The following PIR variants were observed in gnomAD, a reference collection of about 807,000 sequenced individuals.
PIR encodes pirin (iron-binding nuclear protein).
Under a neutral mutation model 24.2 loss-of-function variants are expected in PIR, and 22 were observed. The ratio of observed to expected loss-of-function variants is 0.91; its 90% CI spans 0.65 to 1.30. PIR has a LOEUF of 1.30. Ranked by LOEUF, PIR falls within the 50% of genes most tolerant of loss-of-function variation. PIR has a pLI of 0.00. For missense variants in PIR, 220 were observed against 220.3 expected (o/e 1.00, Z 0.01); for synonymous variants, 80 against 79.6 (o/e 1.00, Z -0.03).
At chrX:15,445,898 C>T (rs1232369996) in intron 5 of PIR, among the ~76,000 whole-genome samples, 2 of 88,817 alleles carry the variant, frequency 2.3e-5, no homozygotes, top group African/African-American at 4.5e-5. Context: ...GGCGCGATCT[C>T]GGCTCACTGC....
chrX:15,483,458 T>C lies in PIR; in HGVS notation c.97-3637A>G, dbSNP rs773936479. On this transcript the variant is annotated intron_variant, in intron 2 of 9. Coordinates refer to ENST00000380420, the MANE Select transcript of PIR (RefSeq NM_001018109.3). ...CCCATGATTCCATTTTCTCTCACTC[T>C]AACTCTTCAAATCACTTCAAACCAT... Among the ~76,000 whole-genome samples, 35 of 111,351 alleles carry C rather than the reference T, an allele frequency of 3.1e-4. No homozygotes were observed. In the East Asian group the frequency reaches 9.8e-3, roughly 31 times the overall value.
intron 6 of PIR, among the ~76,000 whole-genome samples, chrX:15,420,228 C>A (rs1402156162): frequency 9.0e-6 from 1 of 111,674 alleles, no homozygotes; most frequent in Non-Finnish European, 1.9e-5. Flanking sequence ...ACAACAACAA[C>A]AAAACATGAT....
At chrX:15,425,000 A>T (rs1925259649) in intron 6 of PIR, among the ~76,000 whole-genome samples, 1 of 109,773 alleles carries the variant, frequency 9.1e-6, no homozygotes, top group Admixed American at 9.7e-5. Context: ...CCCCACGTCT[A>T]CAGAAAAAAA....
intron 5 of PIR, among the ~76,000 whole-genome samples, chrX:15,448,938 G>A (rs1419835459): frequency 3.6e-5 from 4 of 112,245 alleles, no homozygotes; most frequent in African/African-American, 1.3e-4. Context: ...GAGCATTTTT[G>A]AGGACAGTGG....
intron 6 of PIR, among the ~76,000 whole-genome samples, chrX:15,415,034 C>T (rs1035820514): frequency 4.5e-5 from 5 of 111,296 alleles, no homozygotes; most frequent in Non-Finnish European, 9.4e-5. Flanking sequence ...TGTACAAAAT[C>T]TTGGATTTAT....
At chrX:15,474,177 T>C (rs1362433693) in intron 3 of PIR, among the ~76,000 whole-genome samples, 1 of 111,912 alleles carries the variant, frequency 8.9e-6, no homozygotes, top group Non-Finnish European at 1.9e-5. Flanking sequence ...TCAGAACAAA[T>C]TTATAGACAA....
chrX:15,432,004 T>G (rs754310202), intron 5 of PIR, among the ~76,000 whole-genome samples: 12 of 110,542 alleles, frequency 1.1e-4, no homozygotes, highest in African/African-American at 3.9e-4. Flanking sequence ...TGACTATTAG[T>G]TTGGGTGATA....
At chrX:15,445,820 CTTTTTTTTTTT>C (rs1192838504) in intron 5 of PIR, among the ~76,000 whole-genome samples, 25 of 64,923 alleles carry the variant, frequency 3.9e-4, no homozygotes, top group African/African-American at 1.3e-3. Context: ...CAAGATATTT[CTTTTTTTTTTT>C]TTTTTTTTTT....
chrX:15,450,222 A>G (rs887063100), intron 5 of PIR, among the ~76,000 whole-genome samples: 1 of 111,350 alleles, frequency 9.0e-6, no homozygotes, highest in Non-Finnish European at 1.9e-5. Context: ...ACAATAAATT[A>G]AAAGAGAGGT....
At chrX:15,486,371 G>T (rs938907781) in intron 2 of PIR, among the ~76,000 whole-genome samples, 4 of 105,302 alleles carry the variant, frequency 3.8e-5, no homozygotes, top group Non-Finnish European at 7.8e-5. Flanking sequence ...CCATAATAAA[G>T]CCTGGAATTT....
rs531621269 is a variant in PIR at position 15,464,628 on chromosome X, G to T, written c.190-4888C>A. ...AAAAGACCTGCATTTTTTATAGAGA[G>T]CGCTTATGTCAGAATAGGAACAAAG... On this transcript the variant is annotated intron_variant, in intron 3 of 9. Transcript: ENST00000380420. Among the ~76,000 whole-genome samples the T allele has an allele frequency of 1.3e-4, 14 of 111,929 alleles. 1 individual carries two copies. The highest frequency in any genetic ancestry group is 3.8e-4 in the Admixed American group (4 of 10,552).
In PIR at chrX:15,453,224, C is replaced by T. The variant is rs193253396; in HGVS notation, c.480+2624G>A. On this transcript the variant is annotated intron_variant, in intron 5 of 9. Coordinates refer to ENST00000380420, the MANE Select transcript of PIR (RefSeq NM_001018109.3). ...AACCCTTCCCAAATCACAGCAAATCCCTTTAGCTTAGATGGCAGACATAAA... is the reference window on the plus strand; with the variant it reads ...AACCCTTCCCAAATCACAGCAAATCTCTTTAGCTTAGATGGCAGACATAAA... Among the ~76,000 whole-genome samples the T allele has an allele frequency of 1.7e-3, 191 of 112,083 alleles. 2 individuals carry two copies. Among genetic ancestry groups the T allele is most frequent in the East Asian group, 2.0e-3 (7 of 3,582 alleles).
intron 5 of PIR, among the ~76,000 whole-genome samples, chrX:15,437,466 T>C (rs1348441353): frequency 8.9e-6 from 1 of 111,950 alleles, no homozygotes; most frequent in Non-Finnish European, 1.9e-5. Context: ...TGTACAACTA[T>C]TATATAAATG....
At chrX:15,491,432 C>T in intron 1 of PIR, 123 bp from the exon 2 acceptor site, 1 of 393,077 alleles carries the variant, frequency 2.5e-6, no homozygotes, top group Non-Finnish European at 4.4e-6. Context: ...TGATGTCTTA[C>T]TATGTGCAGG....
In PIR at chrX:15,434,047, AAGG is replaced by A. The variant is rs770540256; in HGVS notation, c.481-8060_481-8058del. On this transcript the variant is annotated intron_variant, in intron 5 of 9. Transcript: ENST00000380420. ...GAAAGAAGGAGGAGGAAGGAGAAAG[AAGG>A]AGGAGGAGGAAGGAGAAAGAAGGAG... Among the ~76,000 whole-genome samples, 29 of 62,230 alleles carry A rather than the reference AAGG, an allele frequency of 4.7e-4. No homozygotes were observed. The East Asian group carries it at 0.021, about 45-fold the overall frequency. 54.0% of individuals were successfully genotyped at this position (62,230 alleles called of 115,157 possible). A position where few individuals can be genotyped will look rare whatever the true frequency, so the allele number is the denominator to read the frequency against.
chrX:15,457,750 T>A (rs775582240), intron 4 of PIR, among the ~76,000 whole-genome samples: 1 of 112,398 alleles, frequency 8.9e-6, no homozygotes, highest in East Asian at 2.8e-4. Context: ...GAAGTCTAGA[T>A]TTCCCTCTAC....
At chrX:15,448,086 T>C (rs933892087) in intron 5 of PIR, among the ~76,000 whole-genome samples, 8 of 112,094 alleles carry the variant, frequency 7.1e-5, no homozygotes, top group Admixed American at 3.8e-4. Context: ...ACATCTTGAA[T>C]GAATAAGAAC....
chrX:15,485,550 T>G (rs147522033), intron 2 of PIR, among the ~76,000 whole-genome samples: 42 of 111,981 alleles, frequency 3.8e-4, no homozygotes, highest in African/African-American at 1.4e-3. Flanking sequence ...ATTTGATCCT[T>G]CTGGTCACCA....
intron 7 of PIR, among the ~76,000 whole-genome samples, chrX:15,397,751 C>CA (rs1924217708): frequency 2.7e-5 from 2 of 74,366 alleles, no homozygotes; most frequent in Non-Finnish European, 6.4e-5. Context: ...ATGAATCCTG[C>CA]GTGTGTTTCC....
Sources: gnomAD v4.1 joint callset for allele counts (sites outside exome capture counted in the v4.1 genomes callset) on GRCh38, gnomAD v4.1.1 for gene constraint, MANE v1.5 for transcripts, NCBI Gene and HGNC (gene_info 2026-07-23, HGNC 2026-07-21) for gene names.